Variants in FBLN7 observed in about 807,000 individuals in gnomAD.
FBLN7 encodes the protein fibulin 7.
In FBLN7, 31 loss-of-function variants were observed where a neutral mutation model predicts 44.0. The ratio of observed to expected loss-of-function variants is 0.70; its 90% confidence interval spans 0.53 to 0.95. FBLN7 has a LOEUF of 0.95. Among genes scored for constraint, FBLN7 ranks in the 40% least tolerant of loss-of-function variants. FBLN7 has a pLI of 0.00. For synonymous variants in FBLN7, 262 were observed against 253.4 expected (o/e 1.03, Z -0.32); for missense variants, 573 against 618.5 (o/e 0.93, Z 0.78).
chr2:112,159,708 CATCCGCCAGCTG>C lies in FBLN7; in HGVS notation c.109_120del (p.Ile37_Leu40del). The C allele has an allele frequency of 6.3e-7, 1 of 1,578,558 alleles. No homozygotes were observed. Among genetic ancestry groups the C allele is most frequent in the Non-Finnish European group, 8.6e-7 (1 of 1,161,916 alleles). ...TCAGCAAACAGCAGCTCCTCTCGGC[CATCCGCCAGCTG>C]CAGCAGCTGCTGAAGGGCCAGGAGA... On this transcript the variant is annotated inframe_deletion, in exon 2 of 8. Transcript: ENST00000331203.
the FBLN7 span, among the ~76,000 whole-genome samples, chr2:112,203,789 A>G: frequency 6.6e-6 from 1 of 152,200 alleles, no homozygotes; most frequent in African/African-American, 2.4e-5. Context: ...CACTTCTTAC[A>G]TGGCAGTGGC....
Position 112,185,220 on chromosome 2 carries a change from C to T in FBLN7, c.828C>T (p.Gly276=), listed in dbSNP as rs1212007777. ...KSCEDVDECV[G]LQPVCPQGTT... is the part of the protein sequence containing the mutation. ...TCTCAGATGTGGATGAATGTGTGGG[C>T]CTGCAGCCGGTGTGCCCCCAGGGGA... The change falls in exon 7 of 8, where the codon GGC becomes GGT. Residue 276 remains glycine, a synonymous_variant. Coordinates refer to ENST00000331203, the MANE Select transcript of FBLN7 (RefSeq NM_153214.3). 12 of 1,613,562 alleles carry T rather than the reference C, an allele frequency of 7.4e-6. No homozygotes were observed. In the Admixed American group the frequency reaches 1.2e-4, roughly 16 times the overall value.
At chr2:112,194,477 A>T in the FBLN7 span, among the ~76,000 whole-genome samples, 2 of 152,240 alleles carry the variant, frequency 1.3e-5, no homozygotes, top group East Asian at 3.9e-4. Flanking sequence ...TGGGCTTCTA[A>T]CACAGTGGCT....
chr2:112,143,488 C>T (rs1009832657), intron 1 of FBLN7, among the ~76,000 whole-genome samples: 27 of 152,068 alleles, frequency 1.8e-4, no homozygotes, highest in African/African-American at 6.5e-4. Flanking sequence ...CTTTTAGTTG[C>T]CTCCTCCCAT....
chr2:112,231,952 C>G, the FBLN7 span: 5 of 1,467,638 alleles, frequency 3.4e-6, no homozygotes, highest in Non-Finnish European at 4.7e-6. Context: ...ATTCATGTAA[C>G]CCAAGTGTTA....
the FBLN7 span, among the ~76,000 whole-genome samples, chr2:112,220,547 C>T: frequency 1.4e-4 from 22 of 152,258 alleles, no homozygotes; most frequent in African/African-American, 3.6e-4. Context: ...TAGGGCTGGG[C>T]GCGGTGGCTC....
At chr2:112,213,775 CAAAAAAAAAAAAAAAAA>C in the FBLN7 span, 10 of 24,078 alleles carry the variant, frequency 4.2e-4, no homozygotes, top group East Asian at 2.8e-3. Flanking sequence ...GACTCCGTCT[CAAAAAAAAAAAAAAAAA>C]AAAAAAAAAA....
chr2:112,209,519 T>A, the FBLN7 span, among the ~76,000 whole-genome samples: 38 of 152,126 alleles, frequency 2.5e-4, no homozygotes, highest in Non-Finnish European at 4.3e-4. Flanking sequence ...GAAGAAATAA[T>A]TTAATGGGCC....
At position 112,146,568 on chromosome 2, in the gene FBLN7, C is replaced by CTTT. The variant is rs758294715; in HGVS notation, c.75+7854_75+7856dup. On this transcript the variant is annotated intron_variant, in intron 1 of 7. Transcript: ENST00000331203. Reference sequence around the variant, plus strand: ...ATACCTAATTATTTCATTTTTGAAGCTTTTTTTTTTTTTTTTTTAAATTCA... The same window carrying CTTT: ...ATACCTAATTATTTCATTTTTGAAGCTTTTTTTTTTTTTTTTTTTTTAAATTCA... Among the ~76,000 whole-genome samples, 80 of 120,214 alleles carry CTTT rather than the reference C, an allele frequency of 6.7e-4. 1 individual carries two copies. Among genetic ancestry groups the CTTT allele is most frequent in the African/African-American group, 2.2e-3 (72 of 32,804 alleles). 78.9% of individuals were successfully genotyped at this position (120,214 alleles called of 152,430 possible). A position where few individuals can be genotyped will look rare whatever the true frequency, so the allele number is the denominator to read the frequency against.
At chr2:112,153,408 A>G (rs926490458) in intron 1 of FBLN7, 1 of 152,076 alleles carries the variant, frequency 6.6e-6, no homozygotes. Context: ...TGGCCATCGG[A>G]GGTCTTGGAG....
the FBLN7 span, chr2:112,230,927 T>C: frequency 7.8e-7 from 1 of 1,276,108 alleles, no homozygotes; most frequent in Non-Finnish European, 1.0e-6. Context: ...TTTATTTACA[T>C]GACTTCTTTT....
At position 112,172,241 on chromosome 2, in the gene FBLN7, G is replaced by C. The variant is rs531697171; in HGVS notation, c.407-3473G>C. ...TTTTTTAACACTTTGTTTGAATCAG[G>C]GTCAAAATCAGTTTTATAACTTAGA... On this transcript the variant is annotated intron_variant, in intron 3 of 7. Transcript: ENST00000331203. Among the ~76,000 whole-genome samples, 162 of 152,144 alleles carry C rather than the reference G, an allele frequency of 1.1e-3. 1 individual carries two copies. Among genetic ancestry groups the C allele is most frequent in the African/African-American group, 3.7e-3 (155 of 41,498 alleles).
intron 2 of FBLN7, among the ~76,000 whole-genome samples, chr2:112,162,078 T>C (rs1398222511): frequency 6.6e-6 from 1 of 152,186 alleles, no homozygotes; most frequent in East Asian, 1.9e-4. Context: ...TGGAGAGCAG[T>C]GGAGTGATCC....
At chr2:112,181,913 CG>C in intron 5 of FBLN7, 37 bp downstream of exon 5, 1 of 1,524,426 alleles carries the variant, frequency 6.6e-7, no homozygotes. Context: ...GGGGACAGCA[CG>C]GGGAGGACAT....
the FBLN7 span, among the ~76,000 whole-genome samples, chr2:112,196,607 C>T: frequency 6.6e-6 from 1 of 151,978 alleles, no homozygotes; most frequent in Non-Finnish European, 1.5e-5. Flanking sequence ...CTAGAATGGC[C>T]TGTATCAAAG....
the FBLN7 span, among the ~76,000 whole-genome samples, chr2:112,241,756 C>G: frequency 1.2e-4 from 18 of 152,174 alleles, no homozygotes; most frequent in Non-Finnish European, 2.2e-4. Flanking sequence ...TAGAATCAGA[C>G]TAACTGCTCT....
intron 3 of FBLN7, among the ~76,000 whole-genome samples, chr2:112,165,533 C>G (rs1277826481): frequency 6.6e-6 from 1 of 152,174 alleles, no homozygotes; most frequent in Non-Finnish European, 1.5e-5. Context: ...TCACACCACT[C>G]TCTGCTCTGG....
chr2:112,226,501 A>G, the FBLN7 span, among the ~76,000 whole-genome samples: 1 of 148,126 alleles, frequency 6.8e-6, no homozygotes, highest in Non-Finnish European at 1.5e-5. Context: ...AGGCAGGAGA[A>G]TGGTGTGAAC....
At chr2:112,204,315 T>C in the FBLN7 span, among the ~76,000 whole-genome samples, 2 of 150,204 alleles carry the variant, frequency 1.3e-5, no homozygotes, top group African/African-American at 4.9e-5. Flanking sequence ...TAGATATTTG[T>C]GAGGTCACCA....
Sources: allele counts gnomAD v4.1 joint callset (sites outside exome capture counted in the v4.1 genomes callset), GRCh38; gene constraint gnomAD v4.1.1; transcripts MANE v1.5; gene names NCBI Gene and HGNC (gene_info 2026-07-23, HGNC 2026-07-21).